The following TMEM243 variants were observed in gnomAD, a reference collection of about 807,000 sequenced individuals.
The protein encoded by TMEM243 is transmembrane protein 243.
In TMEM243, 20 loss-of-function variants were observed where a neutral mutation model predicts 15.0. The ratio of observed to expected loss-of-function variants is 1.33; its 90% CI spans 0.94 to 1.93. The LOEUF (loss-of-function observed/expected upper bound fraction) is 1.93. Among genes scored for constraint, TMEM243 ranks in the 30% most tolerant of loss-of-function variants. The pLI, the probability that TMEM243 is intolerant of heterozygous loss-of-function variation, is 0.00. For missense variants in TMEM243, 156 were observed against 142.1 expected, an observed-to-expected ratio of 1.10 and a Z score of -0.50; for synonymous variants, 72 against 52.7, an observed-to-expected ratio of 1.37 and a Z score of -1.59.
chr7:87,208,708 C>A (rs567491636), intron 1 of TMEM243, among the ~76,000 whole-genome samples: 1 of 152,350 alleles, frequency 6.6e-6, no homozygotes, highest in African/African-American at 2.4e-5. Flanking sequence ...CCGTATATGG[C>A]TATATAGCTG....
intron 1 of TMEM243, chr7:87,216,657 C>T (rs1478041086): frequency 6.6e-6 from 1 of 152,156 alleles, no homozygotes; most frequent in Admixed American, 6.5e-5. Flanking sequence ...TCAGGGATTC[C>T]CCAAGAGGGT....
chr7:87,199,424 G>C, intron 1 of TMEM243: 1 of 196,022 alleles, frequency 5.1e-6, no homozygotes, highest in Non-Finnish European at 1.0e-5. Flanking sequence ...TTGGTTAAAG[G>C]TATCAGGAAC....
chr7:87,201,945 T>A (rs1215909468), intron 1 of TMEM243, among the ~76,000 whole-genome samples: 3 of 152,160 alleles, frequency 2.0e-5, no homozygotes, highest in African/African-American at 7.2e-5. Flanking sequence ...GAGGACAGGA[T>A]ACAGATTTAG....
At chr7:87,201,425 A>T (rs1477324253) in intron 1 of TMEM243, among the ~76,000 whole-genome samples, 1 of 152,238 alleles carries the variant, frequency 6.6e-6, no homozygotes, top group East Asian at 1.9e-4. Flanking sequence ...GTGCACATTT[A>T]AAATGGAGAG....
At chr7:87,210,656 A>C (rs918093600) in intron 1 of TMEM243, among the ~76,000 whole-genome samples, 1 of 152,204 alleles carries the variant, frequency 6.6e-6, no homozygotes, top group Non-Finnish European at 1.5e-5. Context: ...TCTAGGCCAC[A>C]CTAATGCAAG....
chr7:87,213,278 G>A (rs181088947), intron 1 of TMEM243, among the ~76,000 whole-genome samples: 1 of 152,046 alleles, frequency 6.6e-6, no homozygotes, highest in Non-Finnish European at 1.5e-5. Flanking sequence ...GGGTGGAAGA[G>A]AGAAAACTTA....
At chr7:87,197,769 G>A in intron 3 of TMEM243, 172 bp downstream of exon 3, 1 of 1,427,976 alleles carries the variant, frequency 7.0e-7, no homozygotes, top group South Asian at 1.4e-5. Context: ...TGGGATTTAG[G>A]AGAAAAGGAG....
At chr7:87,203,234 A>C (rs1246146242) in intron 1 of TMEM243, among the ~76,000 whole-genome samples, 2 of 152,096 alleles carry the variant, frequency 1.3e-5, no homozygotes, top group Non-Finnish European at 2.9e-5. Context: ...TAAAACCCTA[A>C]CCTAACTAAC....
chr7:87,206,806 G>T (rs1156761052), intron 1 of TMEM243, among the ~76,000 whole-genome samples: 1 of 152,204 alleles, frequency 6.6e-6, no homozygotes, highest in Non-Finnish European at 1.5e-5. Context: ...TGACAGTGTG[G>T]CACACTGTAA....
chr7:87,197,248 A>T (rs1189367602), intron 3 of TMEM243, among the ~76,000 whole-genome samples: 1 of 152,126 alleles, frequency 6.6e-6, no homozygotes, highest in Non-Finnish European at 1.5e-5. Context: ...AGTATATAGC[A>T]GGATCAGTGA....
rs2129243301 is a variant in TMEM243 at position 87,219,695 on chromosome 7, C to G, written c.-192G>C. ...GAACGCGACTGCTCCGCCCCGGCCC[C>G]GCGCACCTCCTCATCTTGAGCAGCT... is the stretch of plus-strand genomic sequence containing the variant. On this transcript the variant is annotated 5_prime_UTR_variant, in exon 1 of 4. Coordinates refer to ENST00000257637, the MANE Select transcript of TMEM243 (RefSeq NM_024315.4). 1 of 593,926 alleles carries G rather than the reference C, an allele frequency of 1.7e-6. No homozygotes were observed. The highest frequency in any genetic ancestry group is 2.8e-5 in the East Asian group (1 of 35,146). 36.8% of individuals were successfully genotyped at this position (593,926 alleles called of 1,614,324 possible). A position where few individuals can be genotyped will look rare whatever the true frequency, so the allele number is the denominator to read the frequency against.
chr7:87,198,154 C>A (rs113398152), intron 2 of TMEM243, 109 bp from the exon 3 acceptor site: 1 of 832,744 alleles, frequency 1.2e-6, no homozygotes, highest in East Asian at 2.7e-5. Context: ...TATAAAATTA[C>A]ATCTGCCACC....
chr7:87,214,119 G>A (rs1175903610), intron 1 of TMEM243, among the ~76,000 whole-genome samples: 4 of 152,146 alleles, frequency 2.6e-5, no homozygotes, highest in African/African-American at 9.7e-5. Flanking sequence ...TTTCCCATTT[G>A]CCCTAGCTAT....
At chr7:87,215,057 G>A (rs1198156572) in intron 1 of TMEM243, among the ~76,000 whole-genome samples, 7 of 152,194 alleles carry the variant, frequency 4.6e-5, no homozygotes, top group Non-Finnish European at 8.8e-5. Flanking sequence ...CTAGCCATAC[G>A]TGGTAACTGA....
At chr7:87,203,964 A>G (rs1405978521) in intron 1 of TMEM243, among the ~76,000 whole-genome samples, 1 of 152,190 alleles carries the variant, frequency 6.6e-6, no homozygotes, top group Non-Finnish European at 1.5e-5. Flanking sequence ...TAGTTTCCAC[A>G]CTGCTGATAA....
intron 1 of TMEM243, among the ~76,000 whole-genome samples, chr7:87,209,595 AGT>A (rs1462201041): frequency 2.0e-5 from 3 of 146,614 alleles, no homozygotes; most frequent in Admixed American, 1.3e-4. Flanking sequence ...ACAGTGAGAC[AGT>A]GAGAGAGAGA....
At chr7:87,197,523 T>C (rs906444543) in intron 3 of TMEM243, among the ~76,000 whole-genome samples, 2 of 152,080 alleles carry the variant, frequency 1.3e-5, no homozygotes, top group South Asian at 4.1e-4. Flanking sequence ...GAAACAAACA[T>C]GTAGATTAAA....
At position 87,218,934 on chromosome 7, in the gene TMEM243, C is replaced by A. The variant is rs373220545; in HGVS notation, c.78+492G>T. Among the ~76,000 whole-genome samples the A allele has an allele frequency of 4.0e-4, 61 of 152,224 alleles. 3 individuals carry two copies. The South Asian group carries it at 0.012, about 29-fold the overall frequency. On this transcript the variant is annotated intron_variant, in intron 1 of 3. Transcript: ENST00000257637. The stretch of plus-strand genomic sequence containing the variant: ...CCTTGATCACTTCCTGGAATGGAGG[C>A]CATCATTCAAGAATCCCTCACCTCA...
At chr7:87,209,533 A>ACAGT (rs1204865413) in intron 1 of TMEM243, among the ~76,000 whole-genome samples, 2 of 39,030 alleles carry the variant, frequency 5.1e-5, no homozygotes, top group African/African-American at 4.0e-4. Flanking sequence ...AGAGAGTGAG[A>ACAGT]GAGAAAGTGA....
Sources: gnomAD v4.1 joint callset for allele counts (sites outside exome capture counted in the v4.1 genomes callset) on GRCh38, gnomAD v4.1.1 for gene constraint, MANE v1.5 for transcripts, NCBI Gene and HGNC (gene_info 2026-07-23, HGNC 2026-07-21) for gene names.